Variants in CTNNA2 observed in about 807,000 individuals in gnomAD.
The protein encoded by CTNNA2 is catenin alpha 2, also known as catenin alpha-2.
In CTNNA2, 42 loss-of-function variants were observed where a neutral mutation model predicts 101.0. The observed-to-expected ratio is 0.42, with a 90% CI of 0.32 to 0.54. The LOEUF (loss-of-function observed/expected upper bound fraction) is 0.54, where lower values mean the gene tolerates loss of function less well. Among genes scored for constraint, CTNNA2 ranks in the 20% least tolerant of loss-of-function variants. CTNNA2 has a pLI of 0.14. For missense variants in CTNNA2, 871 were observed against 1,223.1 expected (o/e 0.71, Z 4.29); for synonymous variants, 450 against 456.4 (o/e 0.99, Z 0.18).
intron 9 of CTNNA2, among the ~76,000 whole-genome samples, chr2:80,497,715 C>T (rs1687577001): frequency 6.6e-6 from 1 of 152,174 alleles, no homozygotes; most frequent in African/African-American, 2.4e-5. Flanking sequence ...AGAAACTCTC[C>T]TCCTGGCCTT....
intron 9 of CTNNA2, among the ~76,000 whole-genome samples, chr2:80,481,138 C>T (rs958508294): frequency 6.6e-6 from 1 of 152,018 alleles, no homozygotes; most frequent in African/African-American, 2.4e-5. Context: ...AATTATATGC[C>T]AGAAACCTGC....
chr2:79,296,936 A>G (rs1413604623), intron 2 of CTNNA2, among the ~76,000 whole-genome samples: 1 of 152,154 alleles, frequency 6.6e-6, no homozygotes, highest in Non-Finnish European at 1.5e-5. Context: ...AAGCCTCATA[A>G]GAAAGGTAGG....
At chr2:80,027,723 T>C in intron 7 of CTNNA2, among the ~76,000 whole-genome samples, 1 of 151,988 alleles carries the variant, frequency 6.6e-6, no homozygotes, top group Non-Finnish European at 1.5e-5. Context: ...TCCCAGCACT[T>C]TGGGAGGCCA....
At chr2:80,386,955 T>C (rs541093072) in intron 7 of CTNNA2, among the ~76,000 whole-genome samples, 3 of 152,124 alleles carry the variant, frequency 2.0e-5, no homozygotes, top group Non-Finnish European at 4.4e-5. Context: ...TTCCCAGGGC[T>C]TCCATGAGAG....
intron 9 of CTNNA2, among the ~76,000 whole-genome samples, chr2:80,484,964 C>T (rs900070006): frequency 2.0e-5 from 3 of 151,996 alleles, no homozygotes; most frequent in African/African-American, 7.2e-5. Flanking sequence ...CGAGACTGTG[C>T]CACTGCATTC....
At chr2:80,150,416 G>A (rs1703626375) in intron 7 of CTNNA2, among the ~76,000 whole-genome samples, 2 of 152,026 alleles carry the variant, frequency 1.3e-5, no homozygotes, top group African/African-American at 2.4e-5. Flanking sequence ...GCTACACTTT[G>A]GTCTCACATC....
chr2:80,113,072 C>A (rs1701317169), intron 7 of CTNNA2, among the ~76,000 whole-genome samples: 1 of 152,104 alleles, frequency 6.6e-6, no homozygotes, highest in Admixed American at 6.5e-5. Context: ...TTACAGAGAT[C>A]TGGGAGCCTC....
At chr2:80,078,167 A>G (rs1404079473) in intron 7 of CTNNA2, among the ~76,000 whole-genome samples, 1 of 152,216 alleles carries the variant, frequency 6.6e-6, no homozygotes, top group Non-Finnish European at 1.5e-5. Context: ...TGTTAGGTGC[A>G]TAACATACAG....
chr2:79,626,619 ATGTGTG>A (rs71867416), intron 1 of CTNNA2, among the ~76,000 whole-genome samples: 9,453 of 142,412 alleles, frequency 0.066, 714 homozygotes, highest in African/African-American at 0.19. Flanking sequence ...GTGTGTGTGT[ATGTGTG>A]TGTGTGTGTG....
chr2:79,844,304 C>T (rs1406636815), intron 3 of CTNNA2, among the ~76,000 whole-genome samples: 1 of 152,048 alleles, frequency 6.6e-6, no homozygotes, highest in African/African-American at 2.4e-5. Flanking sequence ...AAAATTGATT[C>T]TACTTATTTT....
intron 2 of CTNNA2, chr2:79,687,492 A>G: frequency 4.3e-6 from 2 of 463,292 alleles, no homozygotes; most frequent in Non-Finnish European, 7.7e-6. Flanking sequence ...TTTCATTTTT[A>G]TTTGCATTAC....
chr2:79,591,322 A>G (rs1676830437), intron 1 of CTNNA2, among the ~76,000 whole-genome samples: 1 of 152,192 alleles, frequency 6.6e-6, no homozygotes, highest in Admixed American at 6.5e-5. Context: ...TATATTTATA[A>G]ATGTTATCCT....
chr2:79,616,511 TTAAA>T (rs918979599), intron 1 of CTNNA2, among the ~76,000 whole-genome samples: 13 of 152,188 alleles, frequency 8.5e-5, no homozygotes, highest in Non-Finnish European at 1.6e-4. Flanking sequence ...AAACTAACTG[TTAAA>T]TAAATAAAAA....
chr2:80,043,667 A>G (rs1205623897), intron 7 of CTNNA2, among the ~76,000 whole-genome samples: 3 of 152,230 alleles, frequency 2.0e-5, no homozygotes, highest in African/African-American at 4.8e-5. Flanking sequence ...TTATTGATAG[A>G]GAAATGGAAG....
chr2:80,209,322 C>T (rs1490229774), intron 7 of CTNNA2, among the ~76,000 whole-genome samples: 2 of 151,780 alleles, frequency 1.3e-5, no homozygotes, highest in Non-Finnish European at 2.9e-5. Context: ...CTGCCTCAGC[C>T]TCCTGACTAC....
intron 4 of CTNNA2, among the ~76,000 whole-genome samples, chr2:79,382,401 T>C (rs1041763198): frequency 6.6e-6 from 1 of 152,078 alleles, no homozygotes; most frequent in African/African-American, 2.4e-5. Flanking sequence ...TCTGTCTGGG[T>C]ATGTGTGTGT....
At chr2:79,952,903 C>T (rs1250875079) in intron 7 of CTNNA2, among the ~76,000 whole-genome samples, 2 of 152,116 alleles carry the variant, frequency 1.3e-5, no homozygotes, top group African/African-American at 4.8e-5. Flanking sequence ...AGAATGTATG[C>T]GTGAAGCTAT....
chr2:79,251,890 T>C (rs913063781), intron 2 of CTNNA2, among the ~76,000 whole-genome samples: 1 of 152,212 alleles, frequency 6.6e-6, no homozygotes, highest in East Asian at 1.9e-4. Context: ...TAATTTGTTA[T>C]ACAGCAATAT....
At chr2:80,409,216 G>A (rs1296651329) in intron 8 of CTNNA2, among the ~76,000 whole-genome samples, 3 of 139,802 alleles carry the variant, frequency 2.1e-5, no homozygotes, top group Non-Finnish European at 4.5e-5. Flanking sequence ...CAACTCTTCT[G>A]GGCTAAGTTA....
Sources: gnomAD v4.1 joint callset for allele counts (sites outside exome capture counted in the v4.1 genomes callset) on GRCh38, gnomAD v4.1.1 for gene constraint, MANE v1.5 for transcripts, NCBI Gene and HGNC (gene_info 2026-07-23, HGNC 2026-07-21) for gene names.